The following MAST4 variants were observed in gnomAD, a reference collection of about 807,000 sequenced individuals.
MAST4 encodes microtubule associated serine/threonine kinase family member 4.
MAST4 carries 89 observed loss-of-function variants against 162.7 expected under a neutral mutation model. The observed-to-expected ratio is 0.55, with a 90% CI of 0.46 to 0.65. The LOEUF is 0.65. Ranked by LOEUF, MAST4 falls within the 30% of genes least tolerant of loss-of-function variation. MAST4 has a pLI of 0.00. For synonymous variants in MAST4, 1,479 were observed against 1,361.1 expected (o/e 1.09, Z -1.91); for missense variants, 3,153 against 3,374.0 (o/e 0.93, Z 1.62).
At chr5:66,825,542 A>T (rs1757209546) in intron 3 of MAST4, among the ~76,000 whole-genome samples, 1 of 150,974 alleles carries the variant, frequency 6.6e-6, no homozygotes, top group Non-Finnish European at 1.5e-5. Flanking sequence ...CAAAATCTCA[A>T]TATACGCTTT....
At chr5:67,061,158 CTGTGTG>C (rs10538886) in intron 5 of MAST4, among the ~76,000 whole-genome samples, 3 of 151,170 alleles carry the variant, frequency 2.0e-5, no homozygotes, top group South Asian at 2.1e-4. Flanking sequence ...TGTATGTACT[CTGTGTG>C]TGTGTGTGTG....
chr5:67,110,007 T>G, intron 10 of MAST4, 91 bp from the exon 11 acceptor site: 1 of 864,024 alleles, frequency 1.2e-6, no homozygotes, highest in East Asian at 2.5e-5. Context: ...TTTGAACATT[T>G]GCAATGATCT....
chr5:66,943,651 G>A (rs1328758800), intron 4 of MAST4, among the ~76,000 whole-genome samples: 1 of 151,964 alleles, frequency 6.6e-6, no homozygotes, highest in East Asian at 1.9e-4. Context: ...ATTACTAATA[G>A]TACTTAAAAC....
intron 10 of MAST4, among the ~76,000 whole-genome samples, chr5:67,105,931 G>C (rs1765545718): frequency 6.6e-6 from 1 of 152,040 alleles, no homozygotes; most frequent in African/African-American, 2.4e-5. Flanking sequence ...AATATTTTTT[G>C]AGTGAATGGC....
intron 4 of MAST4, among the ~76,000 whole-genome samples, chr5:67,006,110 A>T (rs1289367573): frequency 1.3e-5 from 2 of 152,244 alleles, no homozygotes; most frequent in Non-Finnish European, 2.9e-5. Context: ...GAAGTTTTTC[A>T]TGGTTTCTTA....
intron 4 of MAST4, among the ~76,000 whole-genome samples, chr5:66,978,368 G>A (rs951559543): frequency 3.3e-5 from 5 of 152,184 alleles, no homozygotes; most frequent in Non-Finnish European, 7.3e-5. Flanking sequence ...TCTTTAGGAA[G>A]TCTTCTTAAA....
chr5:67,025,496 G>A (rs1480375083), intron 4 of MAST4, among the ~76,000 whole-genome samples: 1 of 152,116 alleles, frequency 6.6e-6, no homozygotes, highest in African/African-American at 2.4e-5. Flanking sequence ...TCTATTCATA[G>A]ACATCTTGGA....
chr5:67,144,891 A>G (rs1268512111), intron 22 of MAST4, 95 bp downstream of exon 22: 3 of 1,407,594 alleles, frequency 2.1e-6, no homozygotes, highest in Non-Finnish European at 2.9e-6. Flanking sequence ...GGGGCTTGTT[A>G]AAACACAGAT....
intron 4 of MAST4, among the ~76,000 whole-genome samples, chr5:66,956,322 C>G (rs539466360): frequency 6.6e-6 from 1 of 152,156 alleles, no homozygotes; most frequent in African/African-American, 2.4e-5. Flanking sequence ...GTGCTGGAGT[C>G]TTTTTGGTAA....
intron 1 of MAST4, among the ~76,000 whole-genome samples, chr5:66,603,301 A>G (rs1412196618): frequency 6.6e-6 from 1 of 152,222 alleles, no homozygotes; most frequent in Non-Finnish European, 1.5e-5. Flanking sequence ...TCTTTTGCTC[A>G]TGGAACCTGT....
At chr5:66,744,255 C>A (rs75425751) in intron 1 of MAST4, among the ~76,000 whole-genome samples, 1,852 of 152,194 alleles carry the variant, frequency 0.012, 38 homozygotes, top group African/African-American at 0.043. Flanking sequence ...CCACGTGGGG[C>A]CCCTGGGCTG....
chr5:66,882,793 CA>C, intron 3 of MAST4, among the ~76,000 whole-genome samples: 1 of 152,264 alleles, frequency 6.6e-6, no homozygotes, highest in Middle Eastern at 3.4e-3. Flanking sequence ...AATGACTCAG[CA>C]CCCTACTACA....
chr5:66,756,559 C>A (rs114419215), intron 1 of MAST4, among the ~76,000 whole-genome samples: 2,312 of 152,342 alleles, frequency 0.015, 22 homozygotes, highest in Non-Finnish European at 0.025. Context: ...AAAATGGAAT[C>A]ATTTAAAGGA....
intron 3 of MAST4, among the ~76,000 whole-genome samples, chr5:66,822,131 T>A (rs1757024074): frequency 6.6e-6 from 1 of 152,178 alleles, no homozygotes; most frequent in Admixed American, 6.5e-5. Flanking sequence ...CGAGTTTCTC[T>A]TTGGCAAAGC....
chr5:66,965,133 T>A (rs1210855570), intron 4 of MAST4, among the ~76,000 whole-genome samples: 2 of 151,728 alleles, frequency 1.3e-5, no homozygotes, highest in African/African-American at 4.8e-5. Flanking sequence ...AAAGTGACTT[T>A]CAACATGAGA....
intron 1 of MAST4, among the ~76,000 whole-genome samples, chr5:66,599,288 T>A (rs1158956592): frequency 6.6e-6 from 1 of 152,164 alleles, no homozygotes; most frequent in Non-Finnish European, 1.5e-5. Flanking sequence ...TGTGGGCCTC[T>A]TTAAGGAGCA....
chr5:67,106,909 C>A (rs1002341680), intron 10 of MAST4, among the ~76,000 whole-genome samples: 2 of 152,172 alleles, frequency 1.3e-5, no homozygotes, highest in African/African-American at 4.8e-5. Context: ...AAAATAGATA[C>A]AACTGCATGC....
At position 67,144,787 on chromosome 5, in the gene MAST4, A is replaced by G; in HGVS notation, c.2849A>G (p.Tyr950Cys). ...STETLSWSSEYSEMQQLSTSN... is the reference protein window; with the variant it reads ...STETLSWSSECSEMQQLSTSN... The stretch of plus-strand genomic sequence containing the variant: ...GAAACACTGAGCTGGAGTTCAGAAT[A>G]TTCTGAAATGTATGTGAAATGCCTC... Residue 950 changes from tyrosine to cysteine, a missense_variant, in exon 22 of 29, where the codon TAT (tyrosine) becomes TGT (cysteine). Coordinates refer to ENST00000403625, the MANE Select transcript of MAST4 (RefSeq NM_001164664.2). 6.2e-7 allele frequency: 1 copy of G among 1,607,054 alleles called. No homozygotes were observed. The highest frequency in any genetic ancestry group is 8.5e-7 in the Non-Finnish European group (1 of 1,175,970).
chr5:66,700,437 C>A (rs1749693331), intron 1 of MAST4, among the ~76,000 whole-genome samples: 1 of 151,692 alleles, frequency 6.6e-6, no homozygotes, highest in Non-Finnish European at 1.5e-5. Context: ...TTTATATTAA[C>A]CTTGTCAGAA....
Sources: gnomAD v4.1 joint callset for allele counts (sites outside exome capture counted in the v4.1 genomes callset) on GRCh38, gnomAD v4.1.1 for gene constraint, MANE v1.5 for transcripts, NCBI Gene and HGNC (gene_info 2026-07-23, HGNC 2026-07-21) for gene names.